Variants in COX20 observed in about 807,000 individuals in gnomAD.
COX20 encodes the protein cytochrome c oxidase assembly factor COX20.
Under a neutral mutation model 14.3 loss-of-function variants are expected in COX20, and 14 were observed. That is an observed-to-expected ratio of 0.98 (90% CI 0.65 to 1.53). COX20 has a LOEUF of 1.53. Among genes scored for constraint, COX20 ranks in the 40% most tolerant of loss-of-function variants. COX20 has a pLI of 0.00. For synonymous variants in COX20, 56 were observed against 51.7 expected (o/e 1.08, Z -0.36); for missense variants, 149 against 142.1 (o/e 1.05, Z -0.25).
rs1573318534 is a variant in COX20, at chr1:244,843,538, C to G, written c.*362C>G. ...ACAAAAACCTCAACCTTATTACTAT[C>G]CCATTAAAAAACAGCAAATACTTAC... On this transcript the variant is annotated 3_prime_UTR_variant, in exon 4 of 4. Transcript: ENST00000411948. 1.2e-5 allele frequency: 2 copies of G among 167,846 alleles called. No individual in the cohort carries two copies. Among genetic ancestry groups the G allele is most frequent in the Non-Finnish European group, 2.5e-5 (2 of 78,704 alleles). The allele number at this position is 167,846 out of a possible 1,614,324, so 10.4% of individuals were successfully genotyped here.
chr1:244,837,808 A>C (rs1318768145), intron 1 of COX20, among the ~76,000 whole-genome samples: 1 of 152,202 alleles, frequency 6.6e-6, no homozygotes, highest in Non-Finnish European at 1.5e-5. Context: ...TTAGAATGGC[A>C]AGGCCACTGT....
At chr1:244,835,360 A>AG (rs1573305426), upstream of COX20, 2 of 228,596 alleles carry the variant, frequency 8.7e-6, no homozygotes, top group Admixed American at 5.8e-5. Context: ...GGGGCGGAGC[A>AG]GGGGGCTGGC....
intron 2 of COX20, 60 bp downstream of exon 2, chr1:244,842,118 A>G: frequency 6.7e-7 from 1 of 1,499,448 alleles, no homozygotes; most frequent in South Asian, 1.1e-5. Context: ...CTACATAATG[A>G]ACTATTTTTT....
intron 1 of COX20, among the ~76,000 whole-genome samples, chr1:244,837,433 G>T (rs539754252): frequency 6.6e-6 from 1 of 152,136 alleles, no homozygotes; most frequent in African/African-American, 2.4e-5. Flanking sequence ...TTTATTATAA[G>T]AATTAGCAAA....
chr1:244,843,348 C>T lies in COX20; in HGVS notation c.*172C>T. On this transcript the variant is annotated 3_prime_UTR_variant, in exon 4 of 4. Transcript: ENST00000411948. Reference sequence around the variant, plus strand: ...TTTATTCTGGCCCTGTGTCTACTGCCAGGATAGCATTCTTACGTGTTACAT... The same window carrying T: ...TTTATTCTGGCCCTGTGTCTACTGCTAGGATAGCATTCTTACGTGTTACAT... 1.6e-6 allele frequency: 1 copy of T among 644,902 alleles called. No individual in the cohort carries two copies. Among genetic ancestry groups the T allele is most frequent in the Non-Finnish European group, 2.6e-6 (1 of 383,140 alleles). The allele number at this position is 644,902 out of a possible 1,614,324, so 39.9% of individuals were successfully genotyped here.
At chr1:244,837,205 A>G (rs1680018404) in intron 1 of COX20, among the ~76,000 whole-genome samples, 2 of 152,346 alleles carry the variant, frequency 1.3e-5, no homozygotes, top group African/African-American at 2.4e-5. Context: ...GAAGATAGTT[A>G]TAAGCCTCAA....
chr1:244,838,156 TATTTGATGTGG>T (rs1680057610), intron 1 of COX20, among the ~76,000 whole-genome samples: 1 of 152,206 alleles, frequency 6.6e-6, no homozygotes, highest in African/African-American at 2.4e-5. Context: ...CTTGCTAATA[TATTTGATGTGG>T]ATTTGATGAA....
At chr1:244,840,338 A>G (rs1680148655) in intron 1 of COX20, 1 of 152,136 alleles carries the variant, frequency 6.6e-6, no homozygotes, top group South Asian at 2.1e-4. Context: ...TGCACCTAAG[A>G]CTAGATCAAA....
At chr1:244,836,589 C>T in intron 1 of COX20, 2 of 1,345,248 alleles carry the variant, frequency 1.5e-6, no homozygotes, top group South Asian at 2.5e-5. Flanking sequence ...AATTTATATC[C>T]TCAGGGCAGA....
chr1:244,842,633 G>GTACTCAT (rs1361900324), intron 3 of COX20: 34 of 203,800 alleles, frequency 1.7e-4, no homozygotes, highest in Non-Finnish European at 3.2e-4. Flanking sequence ...CTAAGAGTAT[G>GTACTCAT]ATATGTATGT....
chr1:244,835,337 A>C, upstream of COX20: 3 of 183,118 alleles, frequency 1.6e-5, no homozygotes. Flanking sequence ...GGAGACGGTT[A>C]GAAATGGCGG....
In COX20 at chr1:244,843,266, A is replaced by G. The variant is rs1680289052; in HGVS notation, c.*90A>G. On this transcript the variant is annotated 3_prime_UTR_variant, in exon 4 of 4. Transcript: ENST00000411948. ...GCAATAAGCTCTCAATCAAGTAAATAAAGTTTAAGTTGTAGTCATTTTTTT... is the reference window on the plus strand; with the variant it reads ...GCAATAAGCTCTCAATCAAGTAAATGAAGTTTAAGTTGTAGTCATTTTTTT... 4.2e-6 allele frequency: 6 copies of G among 1,418,620 alleles called. No individual in the cohort carries two copies. Among genetic ancestry groups the G allele is most frequent in the Non-Finnish European group, 5.7e-6 (6 of 1,049,758 alleles). 87.9% of individuals were successfully genotyped at this position (1,418,620 alleles called of 1,614,324 possible). A position where few individuals can be genotyped will look rare whatever the true frequency, so the allele number is the denominator to read the frequency against.
chr1:244,838,447 A>T (rs1680068641), intron 1 of COX20, among the ~76,000 whole-genome samples: 1 of 152,224 alleles, frequency 6.6e-6, no homozygotes, highest in African/African-American at 2.4e-5. Flanking sequence ...AGGAGTTAAG[A>T]GTGGCACTTC....
intron 3 of COX20, 182 bp downstream of exon 3, chr1:244,842,440 C>A: frequency 1.8e-6 from 1 of 568,808 alleles, no homozygotes. Context: ...GCATATTAGA[C>A]ATCCCATTAA....
In COX20 at chr1:244,843,940, T is replaced by C. The variant is rs1009748733; in HGVS notation, c.*764T>C. ...CATCTAACTAAATCCTCAGGATTTATTCTCCGGGAGAAATTATCCCTTTCT... is the reference window on the plus strand; with the variant it reads ...CATCTAACTAAATCCTCAGGATTTACTCTCCGGGAGAAATTATCCCTTTCT... On this transcript the variant is annotated 3_prime_UTR_variant, in exon 4 of 4. Transcript: ENST00000411948. 1 of 152,236 alleles carries C rather than the reference T, an allele frequency of 6.6e-6. No homozygotes were observed. The highest frequency in any genetic ancestry group is 2.4e-5 in the African/African-American group (1 of 41,464). The allele number at this position is 152,236 out of a possible 1,614,324, so 9.4% of individuals were successfully genotyped here.
At chr1:244,839,010 G>A (rs571332826) in intron 1 of COX20, among the ~76,000 whole-genome samples, 45 of 152,228 alleles carry the variant, frequency 3.0e-4, no homozygotes, top group South Asian at 1.2e-3. Flanking sequence ...GGCTGGTCTC[G>A]AACTTCCGAC....
chr1:244,844,957 C>G lies in COX20; in HGVS notation c.*1781C>G, dbSNP rs1409199289. The G allele has an allele frequency of 6.4e-6, 1 of 155,050 alleles. No homozygotes were observed. The highest frequency in any genetic ancestry group is 1.5e-5 in the Non-Finnish European group (1 of 68,036). 9.6% of individuals were successfully genotyped at this position (155,050 alleles called of 1,614,324 possible). On this transcript the variant is annotated 3_prime_UTR_variant, in exon 4 of 4. Coordinates refer to ENST00000411948, the MANE Select transcript of COX20 (RefSeq NM_198076.6). ...CCCAAGTCCCTTTAAATAAAATACCCTCATATTTCCATATAATCTACATAC... is the reference window on the plus strand; with the variant it reads ...CCCAAGTCCCTTTAAATAAAATACCGTCATATTTCCATATAATCTACATAC...
At chr1:244,835,421 C>G (rs965015216), upstream of COX20, 3 of 348,082 alleles carry the variant, frequency 8.6e-6, no homozygotes, top group Admixed American at 1.4e-4. Context: ...CGCCAGGAAT[C>G]TAGGAGTCGG....
intron 1 of COX20, among the ~76,000 whole-genome samples, chr1:244,838,343 GGA>G (rs1278369326): frequency 6.6e-6 from 1 of 152,112 alleles, no homozygotes; most frequent in Admixed American, 6.6e-5. Context: ...CTGAAGCTTG[GGA>G]GAGATTAGGG....
Sources: gnomAD v4.1 joint callset for allele counts (sites outside exome capture counted in the v4.1 genomes callset) on GRCh38, gnomAD v4.1.1 for gene constraint, MANE v1.5 for transcripts, NCBI Gene and HGNC (gene_info 2026-07-23, HGNC 2026-07-21) for gene names.